TRPC4AP: variants seen among roughly 807,000 people sequenced by gnomAD.
The protein encoded by TRPC4AP is short transient receptor potential channel 4-associated protein.
TRPC4AP carries 45 observed loss-of-function variants against 99.0 expected under a neutral mutation model. That is an observed-to-expected ratio of 0.45 (90% confidence interval 0.36 to 0.58). The LOEUF is 0.58. Ranked by LOEUF, TRPC4AP falls within the 20% of genes least tolerant of loss-of-function variation. The probability of loss-of-function intolerance (pLI) is 0.00; values close to 1 mark genes in which losing one functional copy is unlikely to be tolerated. For missense variants in TRPC4AP, 879 were observed against 985.3 expected, an observed-to-expected ratio of 0.89 and a Z score of 1.44; for synonymous variants, 408 against 385.8, an observed-to-expected ratio of 1.06 and a Z score of -0.67.
At chr20:35,035,912 A>G (rs1235035255) in intron 7 of TRPC4AP, among the ~76,000 whole-genome samples, 1 of 152,262 alleles carries the variant, frequency 6.6e-6, no homozygotes, top group Non-Finnish European at 1.5e-5. Context: ...GAATGAAAGC[A>G]TATATACCAA....
intron 1 of TRPC4AP, among the ~76,000 whole-genome samples, chr20:35,089,585 T>C: frequency 6.6e-6 from 1 of 151,994 alleles, no homozygotes. Flanking sequence ...GCGCAGTGGC[T>C]CACACCTGTA....
At chr20:35,084,672 GTATA>G (rs553089501) in intron 1 of TRPC4AP, among the ~76,000 whole-genome samples, 4,424 of 126,736 alleles carry the variant, frequency 0.035, 504 homozygotes, top group African/African-American at 0.13. Flanking sequence ...ATGTGTATAT[GTATA>G]TATGTTTATA....
intron 1 of TRPC4AP, among the ~76,000 whole-genome samples, chr20:35,084,911 T>C (rs2084795290): frequency 6.6e-6 from 1 of 152,174 alleles, no homozygotes; most frequent in Admixed American, 6.6e-5. Flanking sequence ...GCTAACATCA[T>C]AATGTAAATA....
At chr20:35,044,061 T>C (rs888992606) in intron 7 of TRPC4AP, among the ~76,000 whole-genome samples, 1 of 152,116 alleles carries the variant, frequency 6.6e-6, no homozygotes, top group African/African-American at 2.4e-5. Flanking sequence ...AAAATTTACA[T>C]ACTAGGAGCC....
At chr20:35,008,583 A>G (rs1265116093) in intron 13 of TRPC4AP, 81 bp downstream of exon 13, 32 of 1,212,088 alleles carry the variant, frequency 2.6e-5, no homozygotes, top group Non-Finnish European at 3.6e-5. Flanking sequence ...GCTGGTGACT[A>G]AAGGAGGTAT....
At chr20:35,051,615 T>TAAA (rs56666362) in intron 5 of TRPC4AP, among the ~76,000 whole-genome samples, 2 of 115,410 alleles carry the variant, frequency 1.7e-5, no homozygotes, top group Non-Finnish European at 3.8e-5. Flanking sequence ...ACTGACACAT[T>TAAA]AAAAAAAAAA....
At chr20:35,075,353 C>G (rs188737373) in intron 2 of TRPC4AP, among the ~76,000 whole-genome samples, 1 of 152,222 alleles carries the variant, frequency 6.6e-6, no homozygotes, top group African/African-American at 2.4e-5. Flanking sequence ...TTCCTAGCAT[C>G]GAAGGTCTTT....
intron 3 of TRPC4AP, among the ~76,000 whole-genome samples, chr20:35,066,266 C>T (rs781065282): frequency 2.7e-4 from 41 of 152,172 alleles, no homozygotes; most frequent in African/African-American, 8.4e-4. Flanking sequence ...CTACCACAAT[C>T]GGCTAATTTT....
chr20:35,023,375 C>T (rs999187516), intron 8 of TRPC4AP, among the ~76,000 whole-genome samples: 3 of 152,186 alleles, frequency 2.0e-5, no homozygotes, highest in African/African-American at 7.2e-5. Context: ...AAGTAAGCAA[C>T]ATACAATTAG....
At chr20:35,029,932 A>G (rs1342583915) in intron 8 of TRPC4AP, among the ~76,000 whole-genome samples, 7 of 113,270 alleles carry the variant, frequency 6.2e-5, no homozygotes, top group South Asian at 3.9e-4. Context: ...CACCGCGCCC[A>G]GCCCCAAGTT....
At chr20:35,044,859 CTT>C in intron 6 of TRPC4AP, 147 bp from the exon 7 acceptor site, 1 of 729,888 alleles carries the variant, frequency 1.4e-6, no homozygotes, top group Non-Finnish European at 2.2e-6. Context: ...AGCTCTGAAA[CTT>C]TGGTTAAGTT....
chr20:35,027,826 ACTTT>A (rs1329387155), intron 8 of TRPC4AP, among the ~76,000 whole-genome samples: 1 of 152,092 alleles, frequency 6.6e-6, no homozygotes, highest in East Asian at 1.9e-4. Context: ...GAGTCCTCTT[ACTTT>A]CTTAAGGTTG....
chr20:35,008,736 C>T lies in TRPC4AP; in HGVS notation c.1523G>A (p.Cys508Tyr). ...AVLNTDRSLV[C>Y]DGKRGLLTRL... ...AGTTAATAAGCCCCTCTTCCCATCACACACCAAACTCCTGAAATAGAAGAG... is the reference window on the plus strand; with the variant it reads ...AGTTAATAAGCCCCTCTTCCCATCATACACCAAACTCCTGAAATAGAAGAG... The change falls in exon 13 of 19, where the codon TGT (cysteine) becomes TAT (tyrosine). Residue 508 changes from cysteine to tyrosine, a missense_variant. Around this residue, in one of 3 missense-constraint regions of TRPC4AP, gnomAD observed 603 missense variants for 631.8 expected, o/e 0.95. Coordinates refer to ENST00000252015, the MANE Select transcript of TRPC4AP (RefSeq NM_015638.3). 1 of 1,613,910 alleles carries T rather than the reference C, an allele frequency of 6.2e-7. No homozygotes were observed. Among genetic ancestry groups the T allele is most frequent in the Non-Finnish European group, 8.5e-7 (1 of 1,179,886 alleles).
Position 35,004,532 on chromosome 20 carries a change from T to C in TRPC4AP, c.1975A>G (p.Ile659Val), listed in dbSNP as rs755562413. The C allele has an allele frequency of 1.9e-6, 3 of 1,614,034 alleles. No homozygotes were observed. Among genetic ancestry groups the C allele is most frequent in the South Asian group, 1.1e-5 (1 of 91,058 alleles). The change falls in exon 17 of 19, where the codon ATA becomes GTA. Residue 659 changes from isoleucine (I) to valine (V), a missense_variant. Coordinates refer to ENST00000252015, the MANE Select transcript of TRPC4AP (RefSeq NM_015638.3). ...VLSECRLLAY[I>V]SQVPTQMSFL... Reference sequence around the variant, plus strand: ...GACATCTGCGTGGGCACCTGGGATATGTAGGCGAGCAGGCGGCATTCAGAC... The same window carrying C: ...GACATCTGCGTGGGCACCTGGGATACGTAGGCGAGCAGGCGGCATTCAGAC...
intron 6 of TRPC4AP, among the ~76,000 whole-genome samples, chr20:35,047,970 G>A (rs1003935356): frequency 2.0e-5 from 3 of 152,066 alleles, no homozygotes; most frequent in Admixed American, 6.5e-5. Flanking sequence ...AGGATATTCT[G>A]CTGATAAACA....
intron 7 of TRPC4AP, among the ~76,000 whole-genome samples, chr20:35,038,278 A>T (rs1007541737): frequency 2.7e-5 from 4 of 148,242 alleles, no homozygotes; most frequent in South Asian, 2.1e-4. Context: ...TTGAGACACC[A>T]TTTTTTTTTT....
intron 8 of TRPC4AP, among the ~76,000 whole-genome samples, chr20:35,034,146 C>A (rs2083262259): frequency 1.5e-4 from 1 of 6,502 alleles, no homozygotes; most frequent in Non-Finnish European, 2.8e-4. Flanking sequence ...AGCGAGACTC[C>A]GTCTCAAAAA....
chr20:35,009,012 C>T (rs1258292614), intron 12 of TRPC4AP, among the ~76,000 whole-genome samples: 2 of 152,186 alleles, frequency 1.3e-5, no homozygotes, highest in Non-Finnish European at 2.9e-5. Context: ...TTAGAACTGC[C>T]AGAGGAGAGC....
chr20:35,048,304 C>T (rs1269774756), intron 6 of TRPC4AP, among the ~76,000 whole-genome samples: 9 of 151,320 alleles, frequency 5.9e-5, no homozygotes, highest in Non-Finnish European at 7.4e-5. Context: ...CTCTGCCTCC[C>T]GGGTTCAAGC....
Sources: gnomAD v4.1 joint callset for allele counts (sites outside exome capture counted in the v4.1 genomes callset) on GRCh38, gnomAD v4.1.1 for gene constraint, gnomAD v4.1.1 regional missense constraint, MANE v1.5 for transcripts, NCBI Gene and HGNC (gene_info 2026-07-23, HGNC 2026-07-21) for gene names.